Variants in SH3BGR observed in about 807,000 individuals in gnomAD.
SH3BGR encodes SH3 domain binding glutamate rich protein, also known as SH3 domain-binding glutamic acid-rich protein.
In SH3BGR, 29 loss-of-function variants were observed where a neutral mutation model predicts 24.5. The ratio of observed to expected loss-of-function variants is 1.18; its 90% CI spans 0.88 to 1.61. The LOEUF is 1.61. SH3BGR is among the 40% of genes most tolerant of loss of function. The pLI is 0.00. For synonymous variants in SH3BGR, 55 were observed against 65.7 expected (o/e 0.84, Z 0.79); for missense variants, 162 against 205.8 (o/e 0.79, Z 1.30).
At chr21:39,462,704 A>G (rs979640251) in intron 2 of SH3BGR, 144 bp downstream of exon 2, 1 of 518,932 alleles carries the variant, frequency 1.9e-6, no homozygotes, top group Admixed American at 4.2e-5. Flanking sequence ...GCTGGATGGT[A>G]GATCCATTAT....
chr21:39,494,480 C>T (rs1006162061), intron 3 of SH3BGR, among the ~76,000 whole-genome samples: 6 of 151,894 alleles, frequency 4.0e-5, no homozygotes, highest in Admixed American at 2.0e-4. Context: ...GATATTTCAC[C>T]GGATATAAGA....
chr21:39,457,920 G>A (rs549921217), intron 1 of SH3BGR, among the ~76,000 whole-genome samples: 12 of 152,054 alleles, frequency 7.9e-5, no homozygotes, highest in Non-Finnish European at 1.5e-4. Flanking sequence ...GGGAGACCCT[G>A]TGTCAAAAGA....
chr21:39,466,881 C>T (rs1016878148), intron 2 of SH3BGR, among the ~76,000 whole-genome samples: 2 of 150,814 alleles, frequency 1.3e-5, no homozygotes, highest in African/African-American at 4.8e-5. Flanking sequence ...TCTTACTTGT[C>T]TTTTGACTTT....
chr21:39,489,806 A>G (rs1375907618), intron 3 of SH3BGR, among the ~76,000 whole-genome samples: 2 of 152,192 alleles, frequency 1.3e-5, no homozygotes, highest in Non-Finnish European at 2.9e-5. Context: ...TCCCAGGTGA[A>G]CCTAATGTTT....
intron 1 of SH3BGR, among the ~76,000 whole-genome samples, chr21:39,459,525 T>TTTTC (rs954845432): frequency 1.3e-5 from 2 of 148,948 alleles, no homozygotes; most frequent in South Asian, 2.1e-4. Context: ...GCCTGGGCCT[T>TTTTC]TTTCTTTCTT....
chr21:39,484,569 G>C (rs1025612324), intron 3 of SH3BGR, among the ~76,000 whole-genome samples: 1 of 151,918 alleles, frequency 6.6e-6, no homozygotes, highest in Non-Finnish European at 1.5e-5. Flanking sequence ...TTGTGCTCAG[G>C]TACTGTCATA....
chr21:39,454,090 G>C (rs1330042925), intron 1 of SH3BGR, among the ~76,000 whole-genome samples: 1 of 152,150 alleles, frequency 6.6e-6, no homozygotes, highest in Non-Finnish European at 1.5e-5. Flanking sequence ...ACATACATGA[G>C]AGAATTTCTG....
intron 4 of SH3BGR, among the ~76,000 whole-genome samples, chr21:39,505,228 A>G (rs947709873): frequency 4.6e-5 from 7 of 152,232 alleles, no homozygotes; most frequent in African/African-American, 1.7e-4. Flanking sequence ...GAGTGCTGCC[A>G]CTTGCCAGGC....
chr21:39,488,864 G>T, intron 3 of SH3BGR: 1 of 161,050 alleles, frequency 6.2e-6, no homozygotes, highest in African/African-American at 2.4e-5. Context: ...ATCTAGCCCC[G>T]AAGGCTTTCT....
chr21:39,483,915 T>C (rs1013349062), intron 3 of SH3BGR, among the ~76,000 whole-genome samples: 1 of 152,092 alleles, frequency 6.6e-6, no homozygotes, highest in African/African-American at 2.4e-5. Context: ...GCTCAGTAAG[T>C]GGAAAAAGAT....
At chr21:39,506,944 A>G (rs1284781958) in intron 4 of SH3BGR, among the ~76,000 whole-genome samples, 2 of 152,184 alleles carry the variant, frequency 1.3e-5, no homozygotes, top group Non-Finnish European at 2.9e-5. Context: ...TTCCTTCAGC[A>G]ACCCAGTGAG....
At chr21:39,472,889 C>G (rs2077964744) in intron 2 of SH3BGR, among the ~76,000 whole-genome samples, 1 of 152,106 alleles carries the variant, frequency 6.6e-6, no homozygotes, top group African/African-American at 2.4e-5. Context: ...GTAAAGGTGT[C>G]ATGTGTGTGT....
At chr21:39,495,653 A>AT (rs2078381474) in intron 3 of SH3BGR, among the ~76,000 whole-genome samples, 5 of 151,542 alleles carry the variant, frequency 3.3e-5, no homozygotes, top group East Asian at 1.9e-4. Flanking sequence ...CTAATAAAAA[A>AT]ATTTTTTTTT....
intron 4 of SH3BGR, among the ~76,000 whole-genome samples, chr21:39,503,743 A>G (rs2078536224): frequency 6.6e-6 from 1 of 152,192 alleles, no homozygotes; most frequent in South Asian, 2.1e-4. Flanking sequence ...CACCTCCTCA[A>G]CTTCCAGGGT....
upstream of SH3BGR, among the ~76,000 whole-genome samples, chr21:39,448,212 A>G (rs1004048846): frequency 6.6e-6 from 1 of 152,326 alleles, no homozygotes; most frequent in Non-Finnish European, 1.5e-5. Context: ...ACATCTGTAA[A>G]GACTCTATTT....
At chr21:39,497,782 T>C (rs1210353397) in intron 3 of SH3BGR, among the ~76,000 whole-genome samples, 1 of 152,192 alleles carries the variant, frequency 6.6e-6, no homozygotes, top group African/African-American at 2.4e-5. Flanking sequence ...AAAAATGAAA[T>C]TCTATTTTCT....
At chr21:39,496,374 C>T (rs1349581753) in intron 3 of SH3BGR, among the ~76,000 whole-genome samples, 1 of 151,798 alleles carries the variant, frequency 6.6e-6, no homozygotes, top group Non-Finnish European at 1.5e-5. Context: ...GTGGCGGGCA[C>T]CTGTAGTCCC....
At chr21:39,510,428 CTA>C (rs1569178086) in intron 5 of SH3BGR, among the ~76,000 whole-genome samples, 1 of 85,830 alleles carries the variant, frequency 1.2e-5, no homozygotes, top group African/African-American at 4.7e-5. Context: ...CACACTGTAG[CTA>C]CACACACACA....
At chr21:39,509,198 A>T (rs1445527372) in intron 5 of SH3BGR, among the ~76,000 whole-genome samples, 171 bp downstream of exon 5, 1 of 152,180 alleles carries the variant, frequency 6.6e-6, no homozygotes, top group Admixed American at 6.5e-5. Flanking sequence ...GTTGGAGATA[A>T]GTTTGTCCGA....
Sources: allele counts gnomAD v4.1 joint callset (sites outside exome capture counted in the v4.1 genomes callset), GRCh38; gene constraint gnomAD v4.1.1; transcripts MANE v1.5; gene names NCBI Gene and HGNC (gene_info 2026-07-23, HGNC 2026-07-21).